DPF1: variants seen among roughly 807,000 people sequenced by gnomAD.
DPF1 encodes the protein zinc finger protein neuro-d4.
A neutral mutation model predicts 58.7 loss-of-function variants in DPF1; 14 were observed. The observed-to-expected ratio is 0.24, with a 90% confidence interval of 0.16 to 0.37. The LOEUF (loss-of-function observed/expected upper bound fraction) is 0.37, where lower values mean the gene tolerates loss of function less well. Among genes scored for constraint, DPF1 ranks in the 10% least tolerant of loss-of-function variants. DPF1 has a pLI of 1.00. For synonymous variants in DPF1, 216 were observed against 216.0 expected, an observed-to-expected ratio of 1.00 and a Z score of 0.00; for missense variants, 345 against 529.9, an observed-to-expected ratio of 0.65 and a Z score of 3.43.
At chr19:38,226,503 TACAC>T (rs60328056), upstream of DPF1, among the ~76,000 whole-genome samples, 72 of 133,786 alleles carry the variant, frequency 5.4e-4, no homozygotes, top group Middle Eastern at 3.8e-3. Flanking sequence ...CGGTCACTTC[TACAC>T]ACACACACAC....
chr19:38,224,265 A>C, upstream of DPF1: 1 of 1,258,712 alleles, frequency 7.9e-7, no homozygotes, highest in Non-Finnish European at 1.0e-6. The surrounding 1 kb of genome is among the most constrained non-coding windows in gnomAD (Gnocchi z 4.5). Context: ...GCCACGGCCA[A>C]TCGCGGCGAC....
At chr19:38,220,296 GAGAA>G (rs780111512) in intron 3 of DPF1, among the ~76,000 whole-genome samples, 5 of 151,140 alleles carry the variant, frequency 3.3e-5, no homozygotes, top group East Asian at 3.9e-4. Context: ...AAGAGAGAGA[GAGAA>G]AGAAAGAGAA....
At chr19:38,218,545 G>A (rs377405216) in intron 5 of DPF1, 28 bp downstream of exon 5, 93 of 1,607,306 alleles carry the variant, frequency 5.8e-5, no homozygotes, top group Non-Finnish European at 7.2e-5. Flanking sequence ...TGAGGGGAGC[G>A]GGGAAGAGGA....
intron 3 of DPF1, 45 bp from the exon 4 acceptor site, chr19:38,219,103 G>A (rs565173249): frequency 1.6e-5 from 25 of 1,608,050 alleles, no homozygotes; most frequent in Admixed American, 3.3e-5. Context: ...AGTTGACCCC[G>A]GAGGACTCCT....
At chr19:38,221,483 T>G (rs1338357635) in intron 3 of DPF1, among the ~76,000 whole-genome samples, 2 of 150,540 alleles carry the variant, frequency 1.3e-5, no homozygotes, top group Non-Finnish European at 3.0e-5. Context: ...GAGGTTGCAG[T>G]GAGCTGAGAT....
upstream of DPF1, among the ~76,000 whole-genome samples, chr19:38,228,475 G>A (rs1171683622): frequency 6.6e-6 from 1 of 151,858 alleles, no homozygotes; most frequent in Non-Finnish European, 1.5e-5. Flanking sequence ...GAAGGGTGGG[G>A]GAGGTCGCCC....
chr19:38,229,104 C>T (rs949354665), upstream of DPF1, among the ~76,000 whole-genome samples: 1 of 151,902 alleles, frequency 6.6e-6, no homozygotes, highest in African/African-American at 2.4e-5. This position sits in a 1 kb window ranked among gnomAD's most constrained non-coding sequence, Gnocchi z 5.3. Context: ...CCGGGGTCCT[C>T]AGAGAAAGAA....
chr19:38,216,913 G>A (rs1029036176), intron 7 of DPF1, among the ~76,000 whole-genome samples: 1 of 152,182 alleles, frequency 6.6e-6, no homozygotes, highest in Non-Finnish European at 1.5e-5. Flanking sequence ...GCCAAGATCT[G>A]GTATGGAAAC....
At chr19:38,226,738 A>G (rs7253473), upstream of DPF1, among the ~76,000 whole-genome samples, 86,735 of 151,524 alleles carry the variant, frequency 0.57, 25,314 homozygotes, top group African/African-American at 0.68. Context: ...CTCACACCTT[A>G]CCCACGGTGA....
chr19:38,220,276 A>G (rs1006906907), intron 3 of DPF1, among the ~76,000 whole-genome samples: 30 of 151,602 alleles, frequency 2.0e-4, no homozygotes, highest in Non-Finnish European at 1.2e-4. Flanking sequence ...AAGGAAGGAA[A>G]GAAAAGAAAA....
In DPF1 at chr19:38,213,770, G is replaced by A. The variant is rs768158176; in HGVS notation, c.899-14C>T. ...ACGAGGGGTGTCCTGGGGGCCAAGG[G>A]GCAGGGGTGCAGTTAGGAGGTCACC... On this transcript the variant is annotated splice_polypyrimidine_tract_variant and intron_variant, in intron 9 of 11. Coordinates refer to ENST00000355526, the MANE Select transcript of DPF1 (RefSeq NM_001135155.3). 38 of 1,610,374 alleles carry A rather than the reference G, an allele frequency of 2.4e-5. 1 individual carries two copies. In the South Asian group the frequency reaches 4.0e-4, roughly 17 times the overall value.
In DPF1 at chr19:38,229,338, A is replaced by G. The variant is rs1967953405; in HGVS notation, c.-132+221T>C. On this transcript the variant is annotated intron_variant, in intron 1 of 11. Coordinates refer to the DPF1 transcript ENST00000412732. This position sits in a 1 kb window ranked among gnomAD's most constrained non-coding sequence, Gnocchi z 5.3. ...GCCCGCGCCGCATTCCTTCACTGACAGCGACAAAGAAGAGGCGCCCCCGCG... is the reference window on the plus strand; with the variant it reads ...GCCCGCGCCGCATTCCTTCACTGACGGCGACAAAGAAGAGGCGCCCCCGCG... Among the ~76,000 whole-genome samples, 1 of 151,726 alleles carries G rather than the reference A, an allele frequency of 6.6e-6. No individual in the cohort carries two copies. Among genetic ancestry groups the G allele is most frequent in the Non-Finnish European group, 1.5e-5 (1 of 67,900 alleles).
At chr19:38,228,070 T>G (rs2146234072), upstream of DPF1, 1 of 152,544 alleles carries the variant, frequency 6.6e-6, no homozygotes, top group Non-Finnish European at 1.5e-5. Context: ...TCCCAGCCAT[T>G]TTGCGGATGT....
rs1230289092 is a variant in DPF1, at chr19:38,211,843, AG to A, written c.*219del. 1 of 559,554 alleles carries A rather than the reference AG, an allele frequency of 1.8e-6. No homozygotes were observed. The highest frequency in any genetic ancestry group is 3.1e-6 in the Non-Finnish European group (1 of 322,082). 34.7% of individuals were successfully genotyped at this position (559,554 alleles called of 1,614,324 possible). A position where few individuals can be genotyped will look rare whatever the true frequency, so the allele number is the denominator to read the frequency against. ...AGAAGCCCCTGGTGTCCATTTGCCA[AG>A]GGACAGAGAGGGAGGGAGGGAGGGA... On this transcript the variant is annotated 3_prime_UTR_variant, in exon 12 of 12. Transcript: ENST00000355526. The surrounding 1 kb of genome is among the most constrained non-coding windows in gnomAD (Gnocchi z 4.0).
rs1973452671 is a variant in DPF1 at position 38,211,923 on chromosome 19, G to C, written c.*140C>G. ...AGGGCAGACATTCCACTTGCACAGA[G>C]GGGAGGGGGTGGCCCAGCCCCCTCT... On this transcript the variant is annotated 3_prime_UTR_variant, in exon 12 of 12. Transcript: ENST00000355526. The surrounding 1 kb of genome is among the most constrained non-coding windows in gnomAD (Gnocchi z 4.0). The C allele has an allele frequency of 4.5e-6, 4 of 893,756 alleles. No individual in the cohort carries two copies. The highest frequency in any genetic ancestry group is 6.9e-6 in the Non-Finnish European group (4 of 581,088). The allele number at this position is 893,756 out of a possible 1,614,324, so 55.4% of individuals were successfully genotyped here.
upstream of DPF1, among the ~76,000 whole-genome samples, chr19:38,225,911 T>A (rs1248993218): frequency 1.4e-5 from 2 of 146,878 alleles, no homozygotes; most frequent in African/African-American, 5.0e-5. Flanking sequence ...AAAAAATAGA[T>A]GCTCAGTAGA....
rs1199158568 is a variant in DPF1, at chr19:38,211,821, A to G, written c.*242T>C. The G allele has an allele frequency of 5.5e-6, 3 of 541,110 alleles. No homozygotes were observed. The highest frequency in any genetic ancestry group is 9.7e-6 in the Non-Finnish European group (3 of 309,290). The allele number at this position is 541,110 out of a possible 1,614,324, so 33.5% of individuals were successfully genotyped here. A position where few individuals can be genotyped will look rare whatever the true frequency, so the allele number is the denominator to read the frequency against. ...GGCGGGGTATGGCTTTGAGGGGAGA[A>G]GCCCCTGGTGTCCATTTGCCAAGGG... On this transcript the variant is annotated 3_prime_UTR_variant, in exon 12 of 12. Transcript: ENST00000355526. The surrounding 1 kb of genome is among the most constrained non-coding windows in gnomAD (Gnocchi z 4.0).
chr19:38,218,838 G>A (rs1019528734), intron 4 of DPF1, 93 bp downstream of exon 4: 3 of 1,574,684 alleles, frequency 1.9e-6, no homozygotes, highest in African/African-American at 2.7e-5. Flanking sequence ...AGAAACCGGG[G>A]GGGTTTCAGA....
Position 38,222,680 on chromosome 19 carries a change from T to C in DPF1, c.58A>G (p.Ile20Val). ...SLGEDFYREA[I>V]EHCRSYNARL... The stretch of plus-strand genomic sequence containing the variant: ...GCGTTGTAACTGCGGCAGTGCTCGA[T>C]GGCCTCGCGGTAGAAGTCCTCGCCT... The change falls in exon 2 of 12, where the codon ATC (isoleucine) becomes GTC (valine). Residue 20 changes from isoleucine to valine, a missense_variant. Transcript: ENST00000355526. This position sits in a 1 kb window ranked among gnomAD's most constrained non-coding sequence, Gnocchi z 4.9. 1 of 1,604,588 alleles carries C rather than the reference T, an allele frequency of 6.2e-7. No homozygotes were observed. Among genetic ancestry groups the C allele is most frequent in the Admixed American group, 1.7e-5 (1 of 59,152 alleles).
Sources: gnomAD v4.1 joint callset for allele counts (sites outside exome capture counted in the v4.1 genomes callset) on GRCh38, gnomAD v4.1.1 for gene constraint, Gnocchi (gnomAD v3.1) non-coding constraint, MANE v1.5 for transcripts, NCBI Gene and HGNC (gene_info 2026-07-23, HGNC 2026-07-21) for gene names.